The following RGS6 variants were observed in gnomAD, a reference collection of about 807,000 sequenced individuals.
RGS6 encodes regulator of G protein signaling 6, also known as regulator of G-protein signaling 6.
A neutral mutation model predicts 78.5 loss-of-function variants in RGS6; 30 were observed. The observed-to-expected ratio is 0.38, with a 90% CI of 0.29 to 0.52. RGS6 has a LOEUF of 0.52. Among genes scored for constraint, RGS6 ranks in the 20% least tolerant of loss-of-function variants. The pLI is 0.85. For synonymous variants in RGS6, 206 were observed against 206.0 expected (o/e 1.00, Z 0.00); for missense variants, 495 against 609.7 (o/e 0.81, Z 1.98).
At chr14:72,222,182 A>G (rs2047027694) in intron 2 of RGS6, among the ~76,000 whole-genome samples, 1 of 152,190 alleles carries the variant, frequency 6.6e-6, no homozygotes, top group African/African-American at 2.4e-5. Flanking sequence ...AGCTTAGTTA[A>G]TGTAAGTACT....
chr14:72,154,890 C>T (rs1394886294), intron 2 of RGS6, among the ~76,000 whole-genome samples: 1 of 152,198 alleles, frequency 6.6e-6, no homozygotes, highest in Non-Finnish European at 1.5e-5. Flanking sequence ...ACAGCATGAC[C>T]ATGTTCCCAA....
chr14:72,157,125 T>C lies in RGS6; in HGVS notation c.84+192250T>C, dbSNP rs182799332. Among the ~76,000 whole-genome samples the C allele has an allele frequency of 1.6e-4, 24 of 152,308 alleles. No homozygotes were observed. The South Asian group carries it at 3.9e-3, about 25-fold the overall frequency. On this transcript the variant is annotated intron_variant, in intron 2 of 17. Transcript: ENST00000553525. Reference sequence around the variant, plus strand: ...CCCTTTAGGTCTAATATAGGAAGTGTTGAATTAGGTGATGTCTCTAAAGAA... The same window carrying C: ...CCCTTTAGGTCTAATATAGGAAGTGCTGAATTAGGTGATGTCTCTAAAGAA...
In RGS6 at chr14:72,305,150, G is replaced by C. The variant is rs776314860; in HGVS notation, c.85-46945G>C. 2.0e-5 allele frequency among the ~76,000 whole-genome samples: 3 copies of C among 152,190 alleles called. No individual in the cohort carries two copies. In the East Asian group the frequency reaches 5.8e-4, roughly 29 times the overall value. ...TTTCTGGCCTTTCTCTTATTGACTC[G>C]AGGAAGCTTTTCCTTTATTGAATAA... is the stretch of plus-strand genomic sequence containing the variant. On this transcript the variant is annotated intron_variant, in intron 2 of 17. Coordinates refer to ENST00000553525, the MANE Select transcript of RGS6 (RefSeq NM_001204424.2).
intron 1 of RGS6, among the ~76,000 whole-genome samples, chr14:71,941,011 C>G (rs1007977436): frequency 2.0e-5 from 3 of 149,876 alleles, no homozygotes; most frequent in Admixed American, 6.8e-5. Context: ...GGCTCTTTCT[C>G]TAGGAGATAA....
chr14:72,580,422 G>C, the RGS6 span, among the ~76,000 whole-genome samples: 2 of 151,638 alleles, frequency 1.3e-5, no homozygotes, highest in South Asian at 2.1e-4. Flanking sequence ...CTGTAGCCCT[G>C]AGTGGGAACT....
intron 2 of RGS6, among the ~76,000 whole-genome samples, chr14:72,270,874 A>C (rs2059831827): frequency 1.3e-5 from 2 of 152,238 alleles, no homozygotes; most frequent in African/African-American, 2.4e-5. Flanking sequence ...TGTTCTGTGC[A>C]CATATCTCTA....
intron 2 of RGS6, among the ~76,000 whole-genome samples, chr14:72,319,751 A>G (rs959436233): frequency 6.6e-6 from 1 of 152,202 alleles, no homozygotes; most frequent in Non-Finnish European, 1.5e-5. Flanking sequence ...CAGGATTATC[A>G]AAGCAAACAA....
intron 2 of RGS6, among the ~76,000 whole-genome samples, chr14:72,142,852 A>G (rs2096558779): frequency 1.3e-5 from 2 of 152,214 alleles, no homozygotes; most frequent in Admixed American, 1.3e-4. Context: ...GGAGAGGCCC[A>G]TAAACTGAAG....
intron 12 of RGS6, among the ~76,000 whole-genome samples, chr14:72,483,773 A>C (rs917426): frequency 0.49 from 74,742 of 151,526 alleles, 18,799 homozygotes; most frequent in East Asian, 0.82. Context: ...AGACCAAGAT[A>C]TGGAATCTGT....
chr14:72,450,227 T>A (rs987738453), intron 3 of RGS6, among the ~76,000 whole-genome samples: 3 of 152,110 alleles, frequency 2.0e-5, no homozygotes, highest in African/African-American at 7.2e-5. Flanking sequence ...GTTCTCAAGA[T>A]GCTTTTCCAC....
intron 2 of RGS6, among the ~76,000 whole-genome samples, chr14:72,323,866 A>AAT (rs1567754658): frequency 6.7e-6 from 1 of 149,170 alleles, no homozygotes; most frequent in African/African-American, 2.5e-5. Context: ...CAGAAGTTAA[A>AAT]ATATATATGT....
At chr14:72,251,350 G>A (rs2055719252) in intron 2 of RGS6, among the ~76,000 whole-genome samples, 1 of 152,056 alleles carries the variant, frequency 6.6e-6, no homozygotes, top group Admixed American at 6.6e-5. Context: ...TCCTAGGGAG[G>A]GGGTTTAAGA....
At chr14:72,512,786 C>G (rs751073601) in intron 14 of RGS6, among the ~76,000 whole-genome samples, 5 of 152,240 alleles carry the variant, frequency 3.3e-5, no homozygotes, top group Non-Finnish European at 7.3e-5. Context: ...TCACCCATCA[C>G]AGGGCAGCCT....
At chr14:72,376,193 A>G (rs940352365) in intron 3 of RGS6, among the ~76,000 whole-genome samples, 1 of 152,216 alleles carries the variant, frequency 6.6e-6, no homozygotes, top group African/African-American at 2.4e-5. Context: ...TCTATGGCTG[A>G]AGAACTCAAT....
intron 2 of RGS6, among the ~76,000 whole-genome samples, chr14:72,342,624 G>A (rs1437819769): frequency 6.7e-6 from 1 of 150,336 alleles, no homozygotes; most frequent in Non-Finnish European, 1.5e-5. Context: ...CAGCTACTTG[G>A]GATGCTGAGG....
intron 2 of RGS6, among the ~76,000 whole-genome samples, chr14:72,266,544 C>G (rs1472198912): frequency 1.3e-5 from 2 of 152,178 alleles, no homozygotes; most frequent in African/African-American, 4.8e-5. Context: ...ATTGCTTTCT[C>G]CAAACCTAAA....
chr14:72,029,627 T>C (rs2090508247), intron 2 of RGS6, among the ~76,000 whole-genome samples: 2 of 152,198 alleles, frequency 1.3e-5, no homozygotes, highest in South Asian at 4.1e-4. Context: ...GTGTTCTGAT[T>C]CCTGCTTATT....
At chr14:72,425,304 A>G (rs1479517090) in intron 3 of RGS6, among the ~76,000 whole-genome samples, 1 of 152,092 alleles carries the variant, frequency 6.6e-6, no homozygotes, top group Middle Eastern at 3.2e-3. Flanking sequence ...ACACCCAGCT[A>G]ATTTTTGTAA....
At chr14:72,600,702 C>T in the RGS6 span, among the ~76,000 whole-genome samples, 4 of 152,246 alleles carry the variant, frequency 2.6e-5, no homozygotes, top group East Asian at 5.8e-4. Flanking sequence ...GGACCCCTGC[C>T]GGGCTCCTCC....
Sources: allele counts gnomAD v4.1 joint callset (sites outside exome capture counted in the v4.1 genomes callset), GRCh38; gene constraint gnomAD v4.1.1; transcripts MANE v1.5; gene names NCBI Gene and HGNC (gene_info 2026-07-23, HGNC 2026-07-21).